TTC6: variants seen among roughly 807,000 people sequenced by gnomAD.
TTC6 encodes the protein tetratricopeptide repeat protein 6.
TTC6 carries 172 observed loss-of-function variants against 210.4 expected under a neutral mutation model. That is an observed-to-expected ratio of 0.82 (90% CI 0.72 to 0.93). TTC6 has a LOEUF of 0.93. TTC6 is among the 40% of genes least tolerant of loss of function. TTC6 has a pLI of 0.00. For missense variants in TTC6, 2,414 were observed against 2,318.1 expected, an observed-to-expected ratio of 1.04 and a Z score of -0.85; for synonymous variants, 804 against 819.6, an observed-to-expected ratio of 0.98 and a Z score of 0.32.
chr14:37,840,229 A>G (rs966947993), intron 29 of TTC6, among the ~76,000 whole-genome samples: 1 of 152,248 alleles, frequency 6.6e-6, no homozygotes, highest in African/African-American at 2.4e-5. Context: ...CAAATAAACT[A>G]GAAAATCTAG....
At chr14:37,675,258 C>A (rs978782873) in intron 1 of TTC6, among the ~76,000 whole-genome samples, 1 of 152,024 alleles carries the variant, frequency 6.6e-6, no homozygotes, top group African/African-American at 2.4e-5. Context: ...CTGGCAACAA[C>A]AAGTTGGCTT....
chr14:37,693,947 A>C (rs976052130), intron 3 of TTC6, among the ~76,000 whole-genome samples: 8 of 151,298 alleles, frequency 5.3e-5, no homozygotes, highest in Non-Finnish European at 1.0e-4. Context: ...TAAATAATTA[A>C]ATCTAAGACC....
At chr14:37,792,215 G>T (rs2096081440) in intron 16 of TTC6, 49 bp from the exon 19 acceptor site, 1 of 1,361,338 alleles carries the variant, frequency 7.3e-7, no homozygotes, top group Non-Finnish European at 9.9e-7. Flanking sequence ...AGAACATTTG[G>T]AATAATTAAA....
chr14:37,699,407 A>T (rs949932295), intron 4 of TTC6, among the ~76,000 whole-genome samples: 3 of 152,238 alleles, frequency 2.0e-5, no homozygotes, highest in African/African-American at 7.2e-5. Flanking sequence ...AGAATTGTAA[A>T]CAGTGTTTGA....
intron 1 of TTC6, among the ~76,000 whole-genome samples, chr14:37,631,844 C>T (rs867908369): frequency 2.6e-5 from 4 of 152,086 alleles, no homozygotes; most frequent in Admixed American, 6.6e-5. Flanking sequence ...CTTGTCTTCA[C>T]GCTTTATTTC....
intron 28 of TTC6, among the ~76,000 whole-genome samples, chr14:37,826,674 G>C (rs2096172571): frequency 6.6e-6 from 1 of 152,058 alleles, no homozygotes; most frequent in South Asian, 2.1e-4. Context: ...AGGAACTAAA[G>C]AGAGAACAAT....
intron 1 of TTC6, 114 bp from the exon 4 acceptor site, chr14:37,680,037 A>G: frequency 6.4e-6 from 4 of 623,916 alleles, no homozygotes; most frequent in Non-Finnish European, 1.1e-5. Flanking sequence ...TGACTAGTTT[A>G]TATGTCTCTA....
At chr14:37,655,928 T>G (rs58585340) in intron 1 of TTC6, among the ~76,000 whole-genome samples, 1,665 of 152,202 alleles carry the variant, frequency 0.011, 27 homozygotes, top group African/African-American at 0.038. Context: ...CACATGGGTT[T>G]GTTGTGAGGA....
intron 1 of TTC6, among the ~76,000 whole-genome samples, chr14:37,624,766 C>T (rs562274636): frequency 2.6e-5 from 4 of 152,102 alleles, no homozygotes; most frequent in East Asian, 1.9e-4. Context: ...GGACTACAGC[C>T]GCCCACCACT....
upstream of TTC6, among the ~76,000 whole-genome samples, chr14:37,619,366 T>G (rs1039593083): frequency 2.0e-5 from 3 of 152,124 alleles, no homozygotes; most frequent in African/African-American, 7.2e-5. Flanking sequence ...CTTCATACTA[T>G]CAAACATCAT....
intron 3 of TTC6, among the ~76,000 whole-genome samples, chr14:37,686,192 A>G (rs974468261): frequency 1.3e-5 from 2 of 152,140 alleles, no homozygotes; most frequent in African/African-American, 4.8e-5. Flanking sequence ...GAACTCTACT[A>G]TATGTCTGTA....
chr14:37,686,666 C>T (rs186609868), intron 3 of TTC6, among the ~76,000 whole-genome samples: 1 of 152,250 alleles, frequency 6.6e-6, no homozygotes, highest in East Asian at 1.9e-4. Context: ...ACGTGTGTCT[C>T]ACACGGTGGC....
At chr14:37,770,091 G>C (rs1274847029) in intron 14 of TTC6, among the ~76,000 whole-genome samples, 1 of 152,094 alleles carries the variant, frequency 6.6e-6, no homozygotes, top group African/African-American at 2.4e-5. Flanking sequence ...AGGTTGTTCA[G>C]TTTCCATGTA....
chr14:37,839,854 C>A (rs1230251310), intron 29 of TTC6, among the ~76,000 whole-genome samples: 10 of 152,118 alleles, frequency 6.6e-5, no homozygotes, highest in Non-Finnish European at 1.2e-4. Flanking sequence ...CTAGTCTCAG[C>A]TTTCTGCATA....
intron 29 of TTC6, among the ~76,000 whole-genome samples, chr14:37,837,723 C>T (rs1018562325): frequency 6.6e-6 from 1 of 152,128 alleles, no homozygotes; most frequent in Admixed American, 6.5e-5. Flanking sequence ...GATGAGGAAA[C>T]TGATGCAAAT....
At chr14:37,822,825 T>A (rs1372733024) in intron 26 of TTC6, among the ~76,000 whole-genome samples, 1 of 152,222 alleles carries the variant, frequency 6.6e-6, no homozygotes, top group Non-Finnish European at 1.5e-5. Context: ...TGGTAGTTAC[T>A]GTGCCATTAC....
At chr14:37,784,366 C>T (rs145849309) in intron 14 of TTC6, among the ~76,000 whole-genome samples, 41 of 152,210 alleles carry the variant, frequency 2.7e-4, no homozygotes, top group African/African-American at 9.9e-4. Flanking sequence ...ATCCGTTTAC[C>T]ATTATGTAAT....
At chr14:37,622,874 C>T in exon 1 of TTC6, 1 of 1,534,988 alleles carries the variant, frequency 6.5e-7, no homozygotes, top group Non-Finnish European at 8.7e-7. Flanking sequence ...TGCTGCCCTC[C>T]CGCGTGATCC....
In TTC6 at chr14:37,653,381, A is replaced by G. The variant is rs527419895; in HGVS notation, c.940-26770A>G. ...AAATATTTTCCCCTTTGTTTTCTCA[A>G]TTCTCACTTTCTGTAACTTCTATTA... is the stretch of plus-strand genomic sequence containing the variant. On this transcript the variant is annotated intron_variant, in intron 1 of 30. Transcript: ENST00000553443. Among the ~76,000 whole-genome samples the G allele has an allele frequency of 4.1e-4, 63 of 152,080 alleles. 1 individual carries two copies. Among genetic ancestry groups the G allele is most frequent in the Non-Finnish European group, 7.5e-4 (51 of 68,004 alleles).
Sources: gnomAD v4.1 joint callset for allele counts (sites outside exome capture counted in the v4.1 genomes callset) on GRCh38, gnomAD v4.1.1 for gene constraint, MANE v1.5 for transcripts, NCBI Gene and HGNC (gene_info 2026-07-23, HGNC 2026-07-21) for gene names.